ZIM3: variants seen among roughly 807,000 people sequenced by gnomAD.
The protein encoded by ZIM3 is zinc finger imprinted 3, also known as zinc finger protein 657.
Under a neutral mutation model 12.9 loss-of-function variants are expected in ZIM3, and 11 were observed. The ratio of observed to expected loss-of-function variants is 0.85; its 90% confidence interval spans 0.54 to 1.41. The LOEUF (loss-of-function observed/expected upper bound fraction) is 1.41. ZIM3 is among the 40% of genes most tolerant of loss of function. The pLI, the probability that ZIM3 is intolerant of heterozygous loss-of-function variation, is 0.00. For synonymous variants in ZIM3, 205 were observed against 198.5 expected, an observed-to-expected ratio of 1.03 and a Z score of -0.28; for missense variants, 604 against 557.2, an observed-to-expected ratio of 1.08 and a Z score of -0.85.
At chr19:57,139,331 GA>G (rs1217100079) in intron 2 of ZIM3, among the ~76,000 whole-genome samples, 1 of 149,128 alleles carries the variant, frequency 6.7e-6, no homozygotes, top group Non-Finnish European at 1.5e-5. Flanking sequence ...TCTGTCTCAA[GA>G]AAAAAAAGAA....
rs867814059 is a variant in ZIM3, at chr19:57,138,002, A to G, written c.142+470T>C. 1.5e-3 allele frequency among the ~76,000 whole-genome samples: 45 copies of G among 29,886 alleles called. 1 individual carries two copies. Among genetic ancestry groups the G allele is most frequent in the African/African-American group, 2.6e-3 (14 of 5,332 alleles). 19.6% of individuals were successfully genotyped at this position (29,886 alleles called of 152,430 possible). On this transcript the variant is annotated intron_variant, in intron 3 of 4. Transcript: ENST00000269834. ...AGGAAAGAAGGAAGGAAGGAAGGAAAGAAGGAAGGAAGGAAGGAAAGAAGG... is the reference window on the plus strand; with the variant it reads ...AGGAAAGAAGGAAGGAAGGAAGGAAGGAAGGAAGGAAGGAAGGAAAGAAGG...
At position 57,138,030 on chromosome 19, in the gene ZIM3, GGAAA is replaced by G. The variant is rs1207970925; in HGVS notation, c.142+438_142+441del. The stretch of plus-strand genomic sequence containing the variant: ...AGGAAGGAAGGAAGGAAAGAAGGAA[GGAAA>G]GAAGGAAGGAAGGAAGGAAAGAAGG... On this transcript the variant is annotated intron_variant, in intron 3 of 4. Transcript: ENST00000269834. Among the ~76,000 whole-genome samples, 109 of 75,810 alleles carry G rather than the reference GGAAA, an allele frequency of 1.4e-3. 5 individuals carry two copies. The highest frequency in any genetic ancestry group is 0.014 in the East Asian group (7 of 518). 49.7% of individuals were successfully genotyped at this position (75,810 alleles called of 152,430 possible). A position where few individuals can be genotyped will look rare whatever the true frequency, so the allele number is the denominator to read the frequency against.
At chr19:57,140,208 C>T (rs766714021) in intron 2 of ZIM3, among the ~76,000 whole-genome samples, 25 of 152,026 alleles carry the variant, frequency 1.6e-4, no homozygotes, top group Non-Finnish European at 2.9e-4. Context: ...CAGAGGCTCA[C>T]TCTGGTAGCC....
chr19:57,135,072 C>T lies in ZIM3; in HGVS notation c.1265G>A (p.Ser422Asn). 1.9e-6 allele frequency: 3 copies of T among 1,614,158 alleles called. No individual in the cohort carries two copies. Among genetic ancestry groups the T allele is most frequent in the Non-Finnish European group, 2.5e-6 (3 of 1,180,038 alleles). Residue 422 changes from serine to asparagine, a missense_variant, in exon 5 of 5, where the codon AGT becomes AAT. Transcript: ENST00000269834. ...CCGGATGAAGGTTTTTCCACATTCA[C>T]TACATCTATAGGTCCTCTCTCCGCT... ...THSGERTYRC[S>N]ECGKTFIRKL...
chr19:57,143,218 C>T (rs908322994), intron 1 of ZIM3, among the ~76,000 whole-genome samples: 4 of 151,948 alleles, frequency 2.6e-5, no homozygotes, highest in Non-Finnish European at 5.9e-5. Context: ...GTAGTCCCAG[C>T]TACTCGGGAG....
rs142827872 is a variant in ZIM3 at position 57,136,620 on chromosome 19, C to T, written c.241+253G>A. ...CGGAGGTTGCAGTGAGCCCAGATCG[C>T]GCCACTGCACTCCAGCCTGGGCGAC... is the stretch of plus-strand genomic sequence containing the variant. On this transcript the variant is annotated intron_variant, in intron 4 of 4. Transcript: ENST00000269834. 6.6e-3 allele frequency among the ~76,000 whole-genome samples: 976 copies of T among 148,394 alleles called. 10 individuals are homozygous for T. Among genetic ancestry groups the T allele is most frequent in the African/African-American group, 0.022 (900 of 40,094 alleles).
In ZIM3 at chr19:57,134,811, T is replaced by C. The variant is rs1208516135; in HGVS notation, c.*107A>G. On this transcript the variant is annotated 3_prime_UTR_variant, in exon 5 of 5. Coordinates refer to ENST00000269834, the MANE Select transcript of ZIM3 (RefSeq NM_052882.1). ...GGATACTGTGATAATAAGTCCTCGC[T>C]ACCTTCAAAAATAGCCTCCAAATTA... 1 of 1,192,898 alleles carries C rather than the reference T, an allele frequency of 8.4e-7. No homozygotes were observed. The highest frequency in any genetic ancestry group is 1.5e-5 in the African/African-American group (1 of 65,306). The allele number at this position is 1,192,898 out of a possible 1,614,324, so 73.9% of individuals were successfully genotyped here.
At chr19:57,137,258 G>A (rs1255345517) in intron 3 of ZIM3, among the ~76,000 whole-genome samples, 1 of 152,136 alleles carries the variant, frequency 6.6e-6, no homozygotes, top group African/African-American at 2.4e-5. Flanking sequence ...GCCGAGATAG[G>A]AGAATTGCTA....
intron 3 of ZIM3, among the ~76,000 whole-genome samples, chr19:57,138,231 C>A (rs529132548): frequency 2.6e-5 from 4 of 152,062 alleles, no homozygotes; most frequent in Non-Finnish European, 5.9e-5. Context: ...GGCAGGGCAC[C>A]CAGCCCACAA....
chr19:57,135,254 T>C lies in ZIM3; in HGVS notation c.1083A>G (p.Arg361=), dbSNP rs1443512241. The C allele has an allele frequency of 3.1e-6, 5 of 1,613,970 alleles. No individual in the cohort carries two copies. In the African/African-American group the frequency reaches 6.7e-5, roughly 22 times the overall value. Residue 361 remains arginine (R), a synonymous_variant, in exon 5 of 5, where the codon AGA becomes AGG. Coordinates refer to ENST00000269834, the MANE Select transcript of ZIM3 (RefSeq NM_052882.1). ...TTCCACATAGATCACACTCATAAGC[T>C]CTCTTCCCAGTGTGAATTTTCTCAT... ...IDHEKIHTGK[R]AYECDLCGNT...
Position 57,135,328 on chromosome 19 carries a change from A to G in ZIM3, c.1009T>C (p.Cys337Arg), listed in dbSNP as rs778490173. 1.2e-6 allele frequency: 2 copies of G among 1,614,082 alleles called. No homozygotes were observed. Among genetic ancestry groups the G allele is most frequent in the Admixed American group, 1.7e-5 (1 of 60,008 alleles). ...RIHTGEKPYK[C>R]SICEKAFSQK... ...GAAAAGGCCTTCTCACATATGCTAC[A>G]TTTATAGGGTTTCTCTCCCGTGTGT... Residue 337 changes from cysteine (C) to arginine (R), a missense_variant, in exon 5 of 5, where the codon TGT becomes CGT. By Grantham distance (180) the Cys-to-Arg change is radical (BLOSUM62 -3). Coordinates refer to ENST00000269834, the MANE Select transcript of ZIM3 (RefSeq NM_052882.1).
At chr19:57,137,856 AAGGAAGGAAGGAAAGAAG>A (rs2086893785) in intron 3 of ZIM3, among the ~76,000 whole-genome samples, 4 of 48,096 alleles carry the variant, frequency 8.3e-5, no homozygotes, top group Non-Finnish European at 1.5e-4. Flanking sequence ...GGAAGGAAGG[AAGGAAGGAAGGAAAGAAG>A]GAAGGAAGGA....
rs1047451104 is a variant in ZIM3 at position 57,137,775 on chromosome 19, C to T, written c.142+697G>A. 2.0e-5 allele frequency among the ~76,000 whole-genome samples: 3 copies of T among 147,586 alleles called. No individual in the cohort carries two copies. In the Admixed American group the frequency reaches 2.1e-4, roughly 10 times the overall value. On this transcript the variant is annotated intron_variant, in intron 3 of 4. Coordinates refer to ENST00000269834, the MANE Select transcript of ZIM3 (RefSeq NM_052882.1). The stretch of plus-strand genomic sequence containing the variant: ...CTGCACTCCAGCCTCGGTGACACAG[C>T]CAGACCCTGTTAGGAGAAAGGAGAT...
rs141345201 is a variant in ZIM3, at chr19:57,140,883, A to G, written c.15+1746T>C. On this transcript the variant is annotated intron_variant, in intron 2 of 4. Transcript: ENST00000269834. ...ACAACTTATCCTTGGTCTTTCAGCT[A>G]TCCATAATTTACTTTGATTCCGACT... is the stretch of plus-strand genomic sequence containing the variant. 2.1e-3 allele frequency among the ~76,000 whole-genome samples: 322 copies of G among 152,328 alleles called. 3 individuals are homozygous for G. Among genetic ancestry groups the G allele is most frequent in the African/African-American group, 7.4e-3 (308 of 41,582 alleles).
rs1555756671 is a variant in ZIM3 at position 57,143,344 on chromosome 19, A to AAG, written c.-42-661_-42-660dup. ...AGACTCCGTCCCAAAAAAAAAAAAA[A>AAG]AGAGAGAGAGAGAAAGCTAAACAGC... On this transcript the variant is annotated intron_variant, in intron 1 of 4. Coordinates refer to ENST00000269834, the MANE Select transcript of ZIM3 (RefSeq NM_052882.1). Among the ~76,000 whole-genome samples, 219 of 146,866 alleles carry AAG rather than the reference A, an allele frequency of 1.5e-3. 6 individuals carry two copies. The highest frequency in any genetic ancestry group is 5.3e-3 in the African/African-American group (208 of 39,080).
intron 2 of ZIM3, among the ~76,000 whole-genome samples, chr19:57,142,253 C>A (rs1398202929): frequency 6.6e-6 from 1 of 150,958 alleles, no homozygotes; most frequent in Non-Finnish European, 1.5e-5. Context: ...AAGCGATTCT[C>A]CCACCTCCGC....
chr19:57,143,293 C>T (rs62131260), intron 1 of ZIM3, among the ~76,000 whole-genome samples: 65,763 of 149,416 alleles, frequency 0.44, 15,378 homozygotes, highest in Non-Finnish European at 0.53. Flanking sequence ...ATCGCGCCAC[C>T]GCACTCCAGC....
At chr19:57,142,141 GC>G (rs2086916409) in intron 2 of ZIM3, among the ~76,000 whole-genome samples, 1 of 106,536 alleles carries the variant, frequency 9.4e-6, no homozygotes, top group South Asian at 3.7e-4. Flanking sequence ...CCGTAACCAA[GC>G]TTTTTTTTTT....
Position 57,141,421 on chromosome 19 carries a change from A to G in ZIM3, c.15+1208T>C, listed in dbSNP as rs1452006914. 3.5e-5 allele frequency among the ~76,000 whole-genome samples: 5 copies of G among 143,418 alleles called. No individual in the cohort carries two copies. The East Asian group carries it at 1.0e-3, about 29-fold the overall frequency. 94.1% of individuals were successfully genotyped at this position (143,418 alleles called of 152,430 possible). A position where few individuals can be genotyped will look rare whatever the true frequency, so the allele number is the denominator to read the frequency against. Reference sequence around the variant, plus strand: ...CTCAAAAAAAAAAAAAAAAAAAAAAACAACAAAACAAAGATGCTTGAGCTG... The same window carrying G: ...CTCAAAAAAAAAAAAAAAAAAAAAAGCAACAAAACAAAGATGCTTGAGCTG... On this transcript the variant is annotated intron_variant, in intron 2 of 4. Transcript: ENST00000269834.
Sources: allele counts gnomAD v4.1 joint callset (sites outside exome capture counted in the v4.1 genomes callset), GRCh38; gene constraint gnomAD v4.1.1; transcripts MANE v1.5; gene names NCBI Gene and HGNC (gene_info 2026-07-23, HGNC 2026-07-21).